MECOM: variants seen among roughly 807,000 people sequenced by gnomAD.
MECOM encodes histone-lysine N-methyltransferase MECOM.
MECOM carries 13 observed loss-of-function variants against 116.3 expected under a neutral mutation model. That is an observed-to-expected ratio of 0.11 (90% confidence interval 0.07 to 0.18). The LOEUF (loss-of-function observed/expected upper bound fraction) is 0.18. Ranked by LOEUF, MECOM falls within the 10% of genes least tolerant of loss-of-function variation. MECOM has a pLI of 1.00. For synonymous variants in MECOM, 528 were observed against 535.2 expected, an observed-to-expected ratio of 0.99 and a Z score of 0.19; for missense variants, 1,299 against 1,509.0, an observed-to-expected ratio of 0.86 and a Z score of 2.31.
At chr3:169,416,675 C>T (rs1268461625) in intron 1 of MECOM, among the ~76,000 whole-genome samples, 1 of 151,288 alleles carries the variant, frequency 6.6e-6, no homozygotes, top group African/African-American at 2.4e-5. Context: ...ATCAAATAGG[C>T]ACAATAAAAA....
chr3:169,498,501 A>T (rs36052422), intron 1 of MECOM, among the ~76,000 whole-genome samples: 1 of 152,178 alleles, frequency 6.6e-6, no homozygotes, highest in South Asian at 2.1e-4. Flanking sequence ...TTCAGTGTTT[A>T]TACAGAAAAG....
intron 2 of MECOM, among the ~76,000 whole-genome samples, chr3:169,174,231 G>A (rs1269505247): frequency 6.6e-6 from 1 of 152,018 alleles, no homozygotes; most frequent in African/African-American, 2.4e-5. Flanking sequence ...GTAAACTCTA[G>A]TATTTCCAAG....
intron 16 of MECOM, among the ~76,000 whole-genome samples, chr3:169,086,994 A>G (rs1174112614): frequency 6.6e-6 from 1 of 152,194 alleles, no homozygotes; most frequent in Non-Finnish European, 1.5e-5. Flanking sequence ...ATATTATGAA[A>G]TAAAGTGAAT....
chr3:169,480,986 C>T (rs968378464), intron 1 of MECOM, among the ~76,000 whole-genome samples: 3 of 151,998 alleles, frequency 2.0e-5, no homozygotes, highest in East Asian at 1.9e-4. Context: ...TCTTAAAACA[C>T]GTTTCTGTAC....
In MECOM at chr3:169,459,730, T is replaced by G. The variant is rs115739063; in HGVS notation, c.38-78206A>C. 8.3e-3 allele frequency among the ~76,000 whole-genome samples: 1,260 copies of G among 151,394 alleles called. 5 individuals carry two copies. The highest frequency in any genetic ancestry group is 0.013 in the Non-Finnish European group (906 of 67,926). ...TACATTTGCTTATCTTTCAACTTGA[T>G]TTACTAATACTTTACATAGCAAACC... On this transcript the variant is annotated intron_variant, in intron 1 of 16. Coordinates refer to ENST00000651503, the MANE Select transcript of MECOM (RefSeq NM_004991.4).
chr3:169,231,629 A>G (rs1365679222), intron 2 of MECOM, among the ~76,000 whole-genome samples: 1 of 152,084 alleles, frequency 6.6e-6, no homozygotes. Flanking sequence ...GATGAGAATG[A>G]GTCTTCCACA....
chr3:169,145,717 A>T (rs561513657), intron 2 of MECOM: 2 of 221,396 alleles, frequency 9.0e-6, no homozygotes, highest in Admixed American at 1.2e-4. Flanking sequence ...TTTCAAGCAT[A>T]CCCTTTCACA....
chr3:169,555,933 G>A (rs1428735213), intron 1 of MECOM, among the ~76,000 whole-genome samples: 2 of 152,136 alleles, frequency 1.3e-5, no homozygotes, highest in Non-Finnish European at 2.9e-5. Context: ...AAAATAAAAT[G>A]GGGGACTAAG....
rs1452994996 is a variant in MECOM at position 169,378,470 on chromosome 3, CAAGCAAGAAAGA to C, written c.375+2705_375+2716del. Among the ~76,000 whole-genome samples the C allele has an allele frequency of 3.0e-3, 97 of 32,806 alleles. 11 individuals are homozygous for C. The highest frequency in any genetic ancestry group is 0.016 in the African/African-American group (76 of 4,740). 21.5% of individuals were successfully genotyped at this position (32,806 alleles called of 152,430 possible). Reference sequence around the variant, plus strand: ...GAAAGAAGGAAAGCAAGCAAGCAAGCAAGCAAGAAAGAGAGAGAGAAAGAAAGAAAGAAAGAA... The same window carrying C: ...GAAAGAAGGAAAGCAAGCAAGCAAGCGAGAGAGAAAGAAAGAAAGAAAGAA... On this transcript the variant is annotated intron_variant, in intron 2 of 16. Coordinates refer to ENST00000651503, the MANE Select transcript of MECOM (RefSeq NM_004991.4).
At position 169,232,953 on chromosome 3, in the gene MECOM, C is replaced by A. The variant is rs112470602; in HGVS notation, c.376-89121G>T. Among the ~76,000 whole-genome samples the A allele has an allele frequency of 9.6e-3, 1,459 of 152,084 alleles. 31 individuals are homozygous for A. The highest frequency in any genetic ancestry group is 0.033 in the African/African-American group (1,386 of 41,490). ...TGTCACCTCATGTTCTCTTCCAGAC[C>A]ATTCACCCAGGTCAGTTTCCTGGCA... On this transcript the variant is annotated intron_variant, in intron 2 of 16. Coordinates refer to ENST00000651503, the MANE Select transcript of MECOM (RefSeq NM_004991.4).
chr3:169,269,749 A>C (rs1264015301), intron 2 of MECOM, among the ~76,000 whole-genome samples: 1 of 152,210 alleles, frequency 6.6e-6, no homozygotes, highest in Non-Finnish European at 1.5e-5. Flanking sequence ...TGTCTTCAGC[A>C]GGTGCTTGAA....
intron 2 of MECOM, chr3:169,147,245 G>A (rs999875046): frequency 2.0e-6 from 2 of 985,604 alleles, no homozygotes; most frequent in Non-Finnish European, 2.4e-6. Flanking sequence ...AGTTTGAAAA[G>A]GTGGGGGGCC....
intron 1 of MECOM, among the ~76,000 whole-genome samples, chr3:169,400,315 G>A (rs1420658714): frequency 1.3e-5 from 2 of 152,106 alleles, no homozygotes; most frequent in African/African-American, 2.4e-5. Context: ...CACTTTCATG[G>A]ATGGATATAT....
At chr3:169,153,711 C>T (rs528513515) in intron 2 of MECOM, among the ~76,000 whole-genome samples, 20 of 152,270 alleles carry the variant, frequency 1.3e-4, no homozygotes, top group East Asian at 9.7e-4. Flanking sequence ...CCTCTCTCCA[C>T]GCCTAGCTGT....
At chr3:169,165,599 A>C (rs1274619041) in intron 2 of MECOM, among the ~76,000 whole-genome samples, 2 of 152,196 alleles carry the variant, frequency 1.3e-5, no homozygotes, top group African/African-American at 4.8e-5. Flanking sequence ...TTGCAAGGCA[A>C]AACACTTTAT....
intron 2 of MECOM, among the ~76,000 whole-genome samples, chr3:169,144,069 T>C (rs1738962697): frequency 6.6e-6 from 1 of 152,172 alleles, no homozygotes; most frequent in African/African-American, 2.4e-5. Context: ...ATTAATTGGT[T>C]TCAAAAATGC....
intron 1 of MECOM, among the ~76,000 whole-genome samples, chr3:169,515,859 A>G (rs963502296): frequency 6.6e-6 from 1 of 152,234 alleles, no homozygotes; most frequent in Non-Finnish European, 1.5e-5. Flanking sequence ...TTAACATTGC[A>G]TAGTACTTTT....
chr3:169,245,018 A>G (rs1031938054), intron 2 of MECOM, among the ~76,000 whole-genome samples: 1 of 152,174 alleles, frequency 6.6e-6, no homozygotes, highest in Non-Finnish European at 1.5e-5. Context: ...AGATATAGTA[A>G]CCAGGCCAAG....
intron 1 of MECOM, chr3:169,624,015 C>T (rs1186332425): frequency 2.6e-5 from 4 of 152,186 alleles, no homozygotes; most frequent in Non-Finnish European, 5.9e-5. Context: ...ATCTATTATG[C>T]TATGTACTTC....
Sources: gnomAD v4.1 joint callset for allele counts (sites outside exome capture counted in the v4.1 genomes callset) on GRCh38, gnomAD v4.1.1 for gene constraint, MANE v1.5 for transcripts, NCBI Gene and HGNC (gene_info 2026-07-23, HGNC 2026-07-21) for gene names.